TNKS: variants seen among roughly 807,000 people sequenced by gnomAD.
TNKS encodes poly [ADP-ribose] polymerase tankyrase-1.
TNKS carries 72 observed loss-of-function variants against 135.8 expected under a neutral mutation model. The observed-to-expected ratio is 0.53, with a 90% CI of 0.44 to 0.64. The LOEUF (loss-of-function observed/expected upper bound fraction) is 0.64, where lower values mean the gene tolerates loss of function less well. Among genes scored for constraint, TNKS ranks in the 30% least tolerant of loss-of-function variants. The pLI is 0.00. For missense variants in TNKS, 1,769 were observed against 1,674.0 expected (o/e 1.06, Z -0.99); for synonymous variants, 849 against 649.3 (o/e 1.31, Z -4.68).
chr8:9,612,716 G>A (rs558282883), intron 2 of TNKS, among the ~76,000 whole-genome samples: 3 of 152,122 alleles, frequency 2.0e-5, no homozygotes, highest in Non-Finnish European at 4.4e-5. Context: ...AGGGAGGGAT[G>A]AGGACCCTTG....
rs766495015 is a variant in TNKS, at chr8:9,556,110, C to G, written c.171C>G (p.Ala57=). 2 of 1,600,918 alleles carry G rather than the reference C, an allele frequency of 1.2e-6. No individual in the cohort carries two copies. The highest frequency in any genetic ancestry group is 2.2e-5 in the South Asian group (2 of 89,498). The change falls in exon 1 of 27, where the codon GCC becomes GCG. Residue 57 remains alanine, a synonymous_variant. Coordinates refer to ENST00000310430, the MANE Select transcript of TNKS (RefSeq NM_003747.3). The part of the protein sequence containing the change: ...SPTASGLAPF[A]SPRHGLALPE... ...CGGCCAGCGGCCTGGCCCCCTTCGC[C>G]TCCCCGCGGCACGGCCTAGCGCTGC... is the stretch of plus-strand genomic sequence containing the variant.
chr8:9,773,705 G>C (rs991307882), intron 26 of TNKS, among the ~76,000 whole-genome samples: 2 of 150,550 alleles, frequency 1.3e-5, no homozygotes, highest in Admixed American at 1.3e-4. Flanking sequence ...AGAGTGATTA[G>C]TACAAAACTT....
chr8:9,583,782 C>T (rs1585196537), intron 2 of TNKS, among the ~76,000 whole-genome samples: 1 of 152,094 alleles, frequency 6.6e-6, no homozygotes, highest in South Asian at 2.1e-4. Context: ...CCACCGCACC[C>T]AGCCTGTATG....
chr8:9,602,363 G>T (rs1034482842), intron 2 of TNKS, among the ~76,000 whole-genome samples: 1 of 152,196 alleles, frequency 6.6e-6, no homozygotes, highest in African/African-American at 2.4e-5. Context: ...ACTGAGAGTT[G>T]TGGAATACCC....
At chr8:9,590,427 T>C (rs962229399) in intron 2 of TNKS, among the ~76,000 whole-genome samples, 1 of 152,244 alleles carries the variant, frequency 6.6e-6, no homozygotes, top group Non-Finnish European at 1.5e-5. Context: ...TTATCATGTT[T>C]TATTTTACAC....
chr8:9,657,787 C>A (rs910403057), intron 3 of TNKS, among the ~76,000 whole-genome samples: 37 of 150,548 alleles, frequency 2.5e-4, no homozygotes, highest in Admixed American at 3.9e-4. Context: ...GGCTGACCCC[C>A]CCACCTCCCT....
chr8:9,668,657 A>G (rs1802118222), intron 3 of TNKS, among the ~76,000 whole-genome samples: 1 of 152,294 alleles, frequency 6.6e-6, no homozygotes, highest in Non-Finnish European at 1.5e-5. Context: ...TCATGAAGGA[A>G]GTTATGTGTA....
At chr8:9,773,195 A>T (rs911209751) in intron 26 of TNKS, among the ~76,000 whole-genome samples, 2 of 152,002 alleles carry the variant, frequency 1.3e-5, no homozygotes, top group Admixed American at 6.6e-5. Context: ...AGTCACAAAC[A>T]CACACTATAT....
chr8:9,693,625 A>G (rs1332203809), intron 5 of TNKS, among the ~76,000 whole-genome samples: 3 of 152,220 alleles, frequency 2.0e-5, no homozygotes, highest in Admixed American at 2.0e-4. Flanking sequence ...AAATACATAT[A>G]CAATACTTTA....
At chr8:9,655,840 C>G (rs540158914) in intron 3 of TNKS, among the ~76,000 whole-genome samples, 222 of 152,144 alleles carry the variant, frequency 1.5e-3, no homozygotes, top group African/African-American at 5.2e-3. Flanking sequence ...AAGCGCCTCT[C>G]GTCCTCCAAA....
At chr8:9,743,735 A>G (rs560067646) in intron 17 of TNKS, among the ~76,000 whole-genome samples, 1 of 152,342 alleles carries the variant, frequency 6.6e-6, no homozygotes, top group East Asian at 1.9e-4. Context: ...CAAAAAATAC[A>G]TATCCATATC....
intron 18 of TNKS, 144 bp downstream of exon 18, chr8:9,748,356 T>A (rs1397378001): frequency 1.5e-6 from 1 of 657,370 alleles, no homozygotes; most frequent in African/African-American, 1.9e-5. Context: ...TTCACACTTT[T>A]TCTATGAAAA....
At chr8:9,616,209 G>A (rs1799639691) in intron 3 of TNKS, among the ~76,000 whole-genome samples, 1 of 152,070 alleles carries the variant, frequency 6.6e-6, no homozygotes, top group Non-Finnish European at 1.5e-5. Context: ...TTTTACTTCA[G>A]ATAATGCAAA....
rs573131557 is a variant in TNKS, at chr8:9,707,292, A to G, written c.1456+295A>G. Reference sequence around the variant, plus strand: ...CAGCATCCATTTCTTGGATACTTGCAATGTGGCAGGCACTAGAAATATAGC... The same window carrying G: ...CAGCATCCATTTCTTGGATACTTGCGATGTGGCAGGCACTAGAAATATAGC... On this transcript the variant is annotated intron_variant, in intron 8 of 26. Transcript: ENST00000310430. 4.6e-5 allele frequency among the ~76,000 whole-genome samples: 7 copies of G among 152,336 alleles called. No individual in the cohort carries two copies. In the South Asian group the frequency reaches 1.2e-3, roughly 27 times the overall value.
At chr8:9,775,902 ACTAAGGGGTGTC>A (rs1808203551) in intron 26 of TNKS, among the ~76,000 whole-genome samples, 1 of 151,888 alleles carries the variant, frequency 6.6e-6, no homozygotes, top group Admixed American at 6.6e-5. Context: ...TAGTCTACTC[ACTAAGGGGTGTC>A]CTACCTCTCC....
chr8:9,664,737 G>A (rs577316947), intron 3 of TNKS, among the ~76,000 whole-genome samples: 2 of 152,310 alleles, frequency 1.3e-5, no homozygotes, highest in Middle Eastern at 3.4e-3. Flanking sequence ...ACGCATGCAT[G>A]TGTAATTTAA....
At chr8:9,726,758 G>GAA (rs747406353) in intron 13 of TNKS, 38 bp downstream of exon 13, 23 of 1,491,476 alleles carry the variant, frequency 1.5e-5, no homozygotes, top group Non-Finnish European at 1.9e-5. Context: ...TAGCACTGTT[G>GAA]AACTTTGCTA....
rs114551643 is a variant in TNKS at position 9,768,388 on chromosome 8, C to T, written c.3741-1718C>T. ...AGAGGCTGTATCAACTACGGCATCT[C>T]ACAACAGTAGTATATCAGTGAGAGA... On this transcript the variant is annotated intron_variant, in intron 25 of 26. Transcript: ENST00000310430. Among the ~76,000 whole-genome samples, 623 of 152,348 alleles carry T rather than the reference C, an allele frequency of 4.1e-3. 6 individuals carry two copies. The highest frequency in any genetic ancestry group is 0.014 in the African/African-American group (594 of 41,582).
intron 3 of TNKS, among the ~76,000 whole-genome samples, chr8:9,630,453 G>C (rs1800245991): frequency 6.6e-6 from 1 of 152,184 alleles, no homozygotes; most frequent in African/African-American, 2.4e-5. Context: ...TGGTTTGTTT[G>C]TTAAATCTGT....
Sources: allele counts gnomAD v4.1 joint callset (sites outside exome capture counted in the v4.1 genomes callset), GRCh38; gene constraint gnomAD v4.1.1; transcripts MANE v1.5; gene names NCBI Gene and HGNC (gene_info 2026-07-23, HGNC 2026-07-21).